GLG1: variants seen among roughly 807,000 people sequenced by gnomAD.
The protein encoded by GLG1 is Golgi apparatus protein 1.
A neutral mutation model predicts 160.5 loss-of-function variants in GLG1; 38 were observed. The ratio of observed to expected loss-of-function variants is 0.24; its 90% CI spans 0.18 to 0.31. GLG1 has a LOEUF of 0.31. Ranked by LOEUF, GLG1 falls within the 10% of genes least tolerant of loss-of-function variation. The pLI is 1.00. For synonymous variants in GLG1, 644 were observed against 543.4 expected, an observed-to-expected ratio of 1.19 and a Z score of -2.57; for missense variants, 1,373 against 1,505.2, an observed-to-expected ratio of 0.91 and a Z score of 1.45.
intron 4 of GLG1, among the ~76,000 whole-genome samples, chr16:74,501,113 A>C (rs370412914): frequency 4.2e-4 from 64 of 152,342 alleles, no homozygotes; most frequent in African/African-American, 1.5e-3. Flanking sequence ...CTGCTTTGTT[A>C]ATTTTCAGTA....
At chr16:74,582,369 T>C (rs1448788908) in intron 1 of GLG1, among the ~76,000 whole-genome samples, 1 of 152,052 alleles carries the variant, frequency 6.6e-6, no homozygotes, top group Non-Finnish European at 1.5e-5. Flanking sequence ...TTTCATCACG[T>C]TGGTCAGGCT....
intron 1 of GLG1, among the ~76,000 whole-genome samples, chr16:74,600,518 G>A (rs1358271022): frequency 6.6e-6 from 1 of 152,028 alleles, no homozygotes; most frequent in South Asian, 2.1e-4. Context: ...GATCACTTGA[G>A]GTCAGAGGTT....
At chr16:74,496,101 A>C (rs2016175481) in intron 5 of GLG1, among the ~76,000 whole-genome samples, 1 of 152,124 alleles carries the variant, frequency 6.6e-6, no homozygotes, top group Non-Finnish European at 1.5e-5. Flanking sequence ...CCATCTCTAC[A>C]AAAAATTTTT....
chr16:74,586,297 T>C (rs1371198645), intron 1 of GLG1, among the ~76,000 whole-genome samples: 7 of 152,118 alleles, frequency 4.6e-5, no homozygotes, highest in Admixed American at 3.9e-4. Context: ...ACTGATATTT[T>C]TGGGTTTTTT....
intron 18 of GLG1, among the ~76,000 whole-genome samples, chr16:74,467,304 C>A (rs1052105073): frequency 6.6e-6 from 1 of 152,192 alleles, no homozygotes; most frequent in Non-Finnish European, 1.5e-5. Flanking sequence ...ATGTACTTCA[C>A]TCCTGACAAT....
At chr16:74,606,529 G>T in intron 1 of GLG1, 128 bp downstream of exon 1, 2 of 733,050 alleles carry the variant, frequency 2.7e-6, no homozygotes, top group East Asian at 5.6e-5. Flanking sequence ...GGAGCAAAGA[G>T]GGAAGGAGCG....
intron 1 of GLG1, among the ~76,000 whole-genome samples, chr16:74,585,534 G>A (rs1053162553): frequency 8.0e-5 from 12 of 150,694 alleles, no homozygotes; most frequent in Non-Finnish European, 1.5e-4. Context: ...GTGAAACCTC[G>A]TCTGTACTAA....
At chr16:74,473,661 C>T (rs11859881) in intron 13 of GLG1, among the ~76,000 whole-genome samples, 2,267 of 152,004 alleles carry the variant, frequency 0.015, 55 homozygotes, top group African/African-American at 0.052. Context: ...AGGATGGTCT[C>T]GATCTCCTGA....
At chr16:74,459,874 G>C (rs1341139931) in intron 22 of GLG1, 85 bp from the exon 23 acceptor site, 3 of 689,374 alleles carry the variant, frequency 4.4e-6, no homozygotes, top group Non-Finnish European at 7.2e-6. Flanking sequence ...TTTATTTTTT[G>C]AAACAGAGCC....
chr16:74,503,490 T>C, intron 4 of GLG1, 41 bp downstream of exon 4: 1 of 1,349,538 alleles, frequency 7.4e-7, no homozygotes, highest in Non-Finnish European at 1.1e-6. Context: ...ATACACCAAA[T>C]TTTAAGACCC....
chr16:74,526,085 G>A (rs981719731), intron 2 of GLG1, among the ~76,000 whole-genome samples: 36 of 152,174 alleles, frequency 2.4e-4, no homozygotes, highest in African/African-American at 7.2e-4. Context: ...ACAATTTTCC[G>A]AGAGAGAAGT....
At chr16:74,512,332 C>G (rs1369287237) in intron 2 of GLG1, among the ~76,000 whole-genome samples, 1 of 147,912 alleles carries the variant, frequency 6.8e-6, no homozygotes, top group African/African-American at 2.5e-5. Flanking sequence ...AGTGTGATCT[C>G]GGCTCACTGC....
At chr16:74,533,248 G>A (rs1239068385) in intron 1 of GLG1, among the ~76,000 whole-genome samples, 1 of 152,122 alleles carries the variant, frequency 6.6e-6, no homozygotes, top group Non-Finnish European at 1.5e-5. Flanking sequence ...ATGAACCCGG[G>A]AGGCGGAGCT....
At chr16:74,589,429 G>A (rs908216639) in intron 1 of GLG1, among the ~76,000 whole-genome samples, 3 of 152,192 alleles carry the variant, frequency 2.0e-5, no homozygotes, top group African/African-American at 7.2e-5. Context: ...GGGCTGTGCT[G>A]AGGGAAGGGC....
intron 22 of GLG1, 192 bp downstream of exon 22, chr16:74,461,900 TAG>T (rs1289455583): frequency 1.9e-6 from 1 of 519,682 alleles, no homozygotes; most frequent in African/African-American, 2.0e-5. Flanking sequence ...AACAACGCTT[TAG>T]AGTGTCAGGA....
intron 1 of GLG1, among the ~76,000 whole-genome samples, chr16:74,587,001 ATCTCTCTT>A (rs543591478): frequency 2.1e-3 from 152 of 73,492 alleles, no homozygotes; most frequent in African/African-American, 0.011. Context: ...GGCCTCATTA[ATCTCTCTT>A]TCTAACAAAT....
At chr16:74,466,859 A>G (rs1416139835) in intron 18 of GLG1, among the ~76,000 whole-genome samples, 3 of 152,224 alleles carry the variant, frequency 2.0e-5, no homozygotes, top group Non-Finnish European at 4.4e-5. Context: ...GAAAAGTACC[A>G]AAGAAAAAGT....
chr16:74,456,565 C>A, intron 25 of GLG1, 84 bp downstream of exon 25: 1 of 840,846 alleles, frequency 1.2e-6, no homozygotes. Context: ...GTGGCATGGC[C>A]TTTGCTCAAG....
At position 74,477,514 on chromosome 16, in the gene GLG1, G is replaced by A; in HGVS notation, c.1847C>T (p.Ala616Val). ...CTGGTGTAGGATCCTTTGGACTTCA[G>A]CTCGGCACTCCCGTGAGAGCTGCAT... Reference protein sequence around the residue: ...QGRRLSRECRAEVQRILHQRA... With the variant: ...QGRRLSRECRVEVQRILHQRA... Residue 616 changes from alanine to valine, a missense_variant, in exon 12 of 26, where the codon GCT becomes GTT. Around this residue, in one of 4 missense-constraint regions of GLG1, gnomAD observed 386 missense variants for 388.5 expected, o/e 0.99. Coordinates refer to ENST00000422840, the MANE Select transcript of GLG1 (RefSeq NM_001145667.2). 1.2e-6 allele frequency: 2 copies of A among 1,613,290 alleles called. No individual in the cohort carries two copies. Among genetic ancestry groups the A allele is most frequent in the African/African-American group, 1.3e-5 (1 of 74,996 alleles).
Sources: gnomAD v4.1 joint callset for allele counts (sites outside exome capture counted in the v4.1 genomes callset) on GRCh38, gnomAD v4.1.1 for gene constraint, gnomAD v4.1.1 regional missense constraint, MANE v1.5 for transcripts, NCBI Gene and HGNC (gene_info 2026-07-23, HGNC 2026-07-21) for gene names.